Variants in ANXA7 observed in about 807,000 individuals in gnomAD.
ANXA7 encodes the protein annexin VII.
ANXA7 carries 55 observed loss-of-function variants against 64.9 expected under a neutral mutation model. The observed-to-expected ratio is 0.85, with a 90% CI of 0.68 to 1.06. ANXA7 has a LOEUF of 1.06. Among genes scored for constraint, ANXA7 ranks in the 50% least tolerant of loss-of-function variants. ANXA7 has a pLI of 0.00. For missense variants in ANXA7, 548 were observed against 582.1 expected (o/e 0.94, Z 0.60); for synonymous variants, 200 against 192.4 (o/e 1.04, Z -0.33).
chr10:73,385,050 G>A (rs540901456), intron 7 of ANXA7, among the ~76,000 whole-genome samples: 12 of 152,204 alleles, frequency 7.9e-5, no homozygotes, highest in Admixed American at 3.9e-4. Flanking sequence ...AGGAAATTAC[G>A]ATGTTCAGTT....
Position 73,375,919 on chromosome 10 carries a change from A to G in ANXA7, c.*176T>C. 1 of 447,778 alleles carries G rather than the reference A, an allele frequency of 2.2e-6. No homozygotes were observed. The highest frequency in any genetic ancestry group is 3.8e-6 in the Non-Finnish European group (1 of 259,792). The allele number at this position is 447,778 out of a possible 1,614,324, so 27.7% of individuals were successfully genotyped here. A position where few individuals can be genotyped will look rare whatever the true frequency, so the allele number is the denominator to read the frequency against. On this transcript the variant is annotated 3_prime_UTR_variant, in exon 13 of 13. Coordinates refer to ENST00000372921, the MANE Select transcript of ANXA7 (RefSeq NM_001156.5). ...ATTGATTGTATGTAGAGAACAAAAT[A>G]AAATTAGAATTAAGGCAATAACAAC...
chr10:73,400,096 T>C (rs2055637240), intron 2 of ANXA7, among the ~76,000 whole-genome samples: 1 of 151,962 alleles, frequency 6.6e-6, no homozygotes, highest in Non-Finnish European at 1.5e-5. Flanking sequence ...TGAGCTGAGA[T>C]CACACCACTG....
In ANXA7 at chr10:73,403,443, G is replaced by A. The variant is rs368273889; in HGVS notation, c.-1-2586C>T. Among the ~76,000 whole-genome samples, 169 of 152,076 alleles carry A rather than the reference G, an allele frequency of 1.1e-3. 5 individuals carry two copies. The South Asian group carries it at 0.033, about 30-fold the overall frequency. On this transcript the variant is annotated intron_variant, in intron 1 of 12. Coordinates refer to ENST00000372921, the MANE Select transcript of ANXA7 (RefSeq NM_001156.5). Reference sequence around the variant, plus strand: ...TTCAAGGCTGCAGTGAGCTAGGATCGCACCACTGTACTCCAGCCTGGGCAA... The same window carrying A: ...TTCAAGGCTGCAGTGAGCTAGGATCACACCACTGTACTCCAGCCTGGGCAA...
chr10:73,380,004 C>A lies in ANXA7; in HGVS notation c.1089+27G>T, dbSNP rs568657261. 84 of 1,611,732 alleles carry A rather than the reference C, an allele frequency of 5.2e-5. No individual in the cohort carries two copies. In the South Asian group the frequency reaches 7.8e-4, roughly 15 times the overall value. On this transcript the variant is annotated intron_variant, in intron 10 of 12. Transcript: ENST00000372921. ...ATATTTTTGTATCTTACAGCAGAAG[C>A]CAAATCTTCAAAAGAAAAGCTCATA...
Position 73,388,403 on chromosome 10 carries a change from C to A in ANXA7, c.447G>T (p.Val149=), listed in dbSNP as rs140325381. The A allele has an allele frequency of 1.1e-5, 17 of 1,612,948 alleles. No individual in the cohort carries two copies. The highest frequency in any genetic ancestry group is 1.4e-5 in the Non-Finnish European group (16 of 1,179,118). Residue 149 remains valine (V), a synonymous_variant, in exon 6 of 13, where the codon GTG becomes GTT. Transcript: ENST00000372921. ...GGATAGTTCCTTGAGTGACCTGAGT[C>A]ACTGTGGCAGGCTGAAAATAAAAGG... The part of the protein sequence containing the change: ...QPTYPSQPAT[V]TQVTQGTIRP...
At chr10:73,402,128 A>G (rs994084519) in intron 1 of ANXA7, among the ~76,000 whole-genome samples, 2 of 152,222 alleles carry the variant, frequency 1.3e-5, no homozygotes, top group African/African-American at 4.8e-5. Context: ...CAATGGTACA[A>G]TGGTTAAGAG....
At chr10:73,385,786 G>A (rs2055359216) in intron 7 of ANXA7, among the ~76,000 whole-genome samples, 1 of 152,098 alleles carries the variant, frequency 6.6e-6, no homozygotes, top group African/African-American at 2.4e-5. Context: ...TGCATAATCA[G>A]TCACTGGGCT....
At chr10:73,410,681 C>G (rs1011475038) in intron 1 of ANXA7, among the ~76,000 whole-genome samples, 1 of 150,626 alleles carries the variant, frequency 6.6e-6, no homozygotes, top group African/African-American at 2.4e-5. Flanking sequence ...ACTTGGGAGG[C>G]TGAGTCAGGA....
intron 6 of ANXA7, 25 bp from the exon 7 acceptor site, chr10:73,387,808 T>A (rs753114654): frequency 1.3e-6 from 2 of 1,553,754 alleles, no homozygotes; most frequent in East Asian, 4.5e-5. Flanking sequence ...CATGTTTAAG[T>A]AAGGACAAAG....
intron 5 of ANXA7, among the ~76,000 whole-genome samples, chr10:73,394,790 C>T (rs898151371): frequency 6.6e-6 from 1 of 152,158 alleles, no homozygotes; most frequent in Non-Finnish European, 1.5e-5. Context: ...AGCACACCAA[C>T]ATGGCACATG....
At chr10:73,379,989 A>T (rs766311977) in intron 10 of ANXA7, 35 bp from the exon 11 acceptor site, 21 of 1,612,596 alleles carry the variant, frequency 1.3e-5, no homozygotes, top group Non-Finnish European at 1.7e-5. Context: ...ATATTTTTGT[A>T]TCTTACAGCA....
Position 73,383,577 on chromosome 10 carries a change from C to G in ANXA7, c.747G>C (p.Gln249His). ...YDAWSLRKAMQGAGTQERVLI... is the reference protein window; with the variant it reads ...YDAWSLRKAMHGAGTQERVLI... ...CATAATAAATGACATATAGTAGTAC[C>G]TGCATTGCTTTCCGTAAGCTCCAGG... The change falls in exon 8 of 13, where the codon CAG (glutamine) becomes CAC (histidine). Residue 249 changes from glutamine (Q) to histidine (H), a missense_variant and splice_region_variant. Physicochemically the swap from Gln to His is conservative, Grantham distance 24. Transcript: ENST00000372921. 6.3e-7 allele frequency: 1 copy of G among 1,598,882 alleles called. No individual in the cohort carries two copies. Among genetic ancestry groups the G allele is most frequent in the Non-Finnish European group, 8.6e-7 (1 of 1,166,490 alleles).
chr10:73,411,962 G>A (rs1435964357), intron 1 of ANXA7, among the ~76,000 whole-genome samples: 1 of 152,076 alleles, frequency 6.6e-6, no homozygotes, highest in Non-Finnish European at 1.5e-5. Flanking sequence ...ATCCCTGAAA[G>A]GACACTCAAG....
intron 1 of ANXA7, among the ~76,000 whole-genome samples, chr10:73,411,105 C>T (rs2055831473): frequency 1.3e-5 from 2 of 152,290 alleles, no homozygotes; most frequent in South Asian, 4.1e-4. Flanking sequence ...TGGAATACTA[C>T]TCAGCCATTA....
At position 73,397,192 on chromosome 10, in the gene ANXA7, T is replaced by A; in HGVS notation, c.342A>T (p.Gly114=). Residue 114 remains glycine, a synonymous_variant, in exon 4 of 13, where the codon GGA becomes GGT. Transcript: ENST00000372921. The stretch of plus-strand genomic sequence containing the variant: ...GTAGTGGAACCTGTGCTGGACCACC[T>A]CCATAAGACTGTGAAGGTGGCTGTG... ...GYPQPPSQSY[G]GGPAQVPLPG... 3.1e-6 allele frequency: 5 copies of A among 1,608,696 alleles called. No homozygotes were observed. Among genetic ancestry groups the A allele is most frequent in the Non-Finnish European group, 4.2e-6 (5 of 1,176,918 alleles).
intron 11 of ANXA7, among the ~76,000 whole-genome samples, chr10:73,379,259 A>C (rs1210915543): frequency 1.3e-5 from 2 of 152,018 alleles, no homozygotes; most frequent in Non-Finnish European, 2.9e-5. Context: ...AGCCTCCCAG[A>C]CTCAGGTGAT....
At chr10:73,377,773 G>GGGGGGGTGTGTGT (rs1554815379) in intron 12 of ANXA7, among the ~76,000 whole-genome samples, 2 of 124,822 alleles carry the variant, frequency 1.6e-5, no homozygotes, top group East Asian at 5.5e-4. Context: ...GGTGGGTGTG[G>GGGGGGGTGTGTGT]GTGTGTGTGT....
intron 1 of ANXA7, among the ~76,000 whole-genome samples, chr10:73,408,615 T>A (rs953881246): frequency 2.0e-5 from 3 of 152,160 alleles, no homozygotes; most frequent in Non-Finnish European, 4.4e-5. Flanking sequence ...AGGCAAAGAT[T>A]ATCTGTATAT....
intron 1 of ANXA7, among the ~76,000 whole-genome samples, chr10:73,410,034 A>G (rs1450929305): frequency 6.6e-6 from 1 of 152,222 alleles, no homozygotes; most frequent in Middle Eastern, 3.2e-3. Context: ...AGATTTAAAT[A>G]TAAGACCTGA....
Sources: gnomAD v4.1 joint callset for allele counts (sites outside exome capture counted in the v4.1 genomes callset) on GRCh38, gnomAD v4.1.1 for gene constraint, MANE v1.5 for transcripts, NCBI Gene and HGNC (gene_info 2026-07-23, HGNC 2026-07-21) for gene names.